Variants in TENT5D observed in about 807,000 individuals in gnomAD.
The protein encoded by TENT5D is terminal nucleotidyltransferase 5D.
For missense variants in TENT5D, 191 were observed against 287.0 expected (o/e 0.67, Z 2.42); for synonymous variants, 103 against 100.6 (o/e 1.02, Z -0.15).
At chrX:80,421,837 G>T (rs1931889319) in intron 1 of TENT5D, among the ~76,000 whole-genome samples, 1 of 111,019 alleles carries the variant, frequency 9.0e-6, no homozygotes, top group African/African-American at 3.3e-5. Context: ...AGAAAAAAAT[G>T]CCACGTCTTT....
At chrX:80,434,625 A>G (rs1932148978) in intron 1 of TENT5D, among the ~76,000 whole-genome samples, 2 of 111,217 alleles carry the variant, frequency 1.8e-5, no homozygotes, top group Non-Finnish European at 3.8e-5. Flanking sequence ...TATGAACCTT[A>G]TTGCAACTAA....
intron 3 of TENT5D, among the ~76,000 whole-genome samples, chrX:80,349,224 G>C (rs1483970976): frequency 1.8e-5 from 2 of 111,948 alleles, no homozygotes; most frequent in Non-Finnish European, 3.8e-5. Context: ...AATAGTTTCA[G>C]AAGGAATGGT....
chrX:80,386,350 G>A (rs1176950085), intron 3 of TENT5D, among the ~76,000 whole-genome samples: 7 of 110,383 alleles, frequency 6.3e-5, no homozygotes, highest in South Asian at 3.9e-4. Context: ...GGTGGGAATC[G>A]AACAATGAGA....
chrX:80,434,272 C>T (rs1163685189), intron 1 of TENT5D, among the ~76,000 whole-genome samples: 1 of 110,046 alleles, frequency 9.1e-6, no homozygotes, highest in Non-Finnish European at 1.9e-5. Context: ...TGCCTGCCTC[C>T]TTGTAGGTCT....
intron 3 of TENT5D, among the ~76,000 whole-genome samples, chrX:80,364,895 G>T (rs1352226911): frequency 2.6e-5 from 1 of 37,840 alleles, no homozygotes; most frequent in African/African-American, 9.5e-5. Flanking sequence ...CTCCAAGAGA[G>T]ATTTTTTTTC....
At chrX:80,354,155 A>G (rs745562682) in intron 3 of TENT5D, among the ~76,000 whole-genome samples, 36 of 111,168 alleles carry the variant, frequency 3.2e-4, no homozygotes, top group Middle Eastern at 4.6e-3. Context: ...TTTTGTATTG[A>G]CTTTGGAGAA....
At chrX:80,341,885 G>GT (rs1313010246) in intron 2 of TENT5D, among the ~76,000 whole-genome samples, 1 of 105,875 alleles carries the variant, frequency 9.4e-6, no homozygotes, top group Non-Finnish European at 1.9e-5. Flanking sequence ...CTAATTTTTT[G>GT]TATTTTTAGT....
intron 3 of TENT5D, among the ~76,000 whole-genome samples, chrX:80,394,330 T>C (rs1931194849): frequency 9.1e-6 from 1 of 109,840 alleles, no homozygotes; most frequent in African/African-American, 3.3e-5. Flanking sequence ...GTTTTTTTTT[T>C]TCATGTATTC....
intron 1 of TENT5D, among the ~76,000 whole-genome samples, chrX:80,427,278 G>C (rs1043380042): frequency 3.6e-5 from 1 of 27,798 alleles, no homozygotes; most frequent in Admixed American, 6.9e-4. Context: ...AGCATAATTA[G>C]AGGCATATGG....
chrX:80,431,854 G>C (rs1050715695), intron 1 of TENT5D, among the ~76,000 whole-genome samples: 2 of 111,579 alleles, frequency 1.8e-5, no homozygotes, highest in Admixed American at 1.9e-4. Flanking sequence ...GTTCTGCTGG[G>C]AAGTGCTGGC....
intron 2 of TENT5D, among the ~76,000 whole-genome samples, chrX:80,441,668 C>T (rs1359673522): frequency 9.0e-6 from 1 of 111,321 alleles, no homozygotes; most frequent in African/African-American, 3.2e-5. Context: ...TATCTACTTG[C>T]ATTTATAGTG....
rs773961604 is a variant in TENT5D at position 80,409,354 on chromosome X, T to C, written c.-141-29256T>C. Among the ~76,000 whole-genome samples the C allele has an allele frequency of 9.9e-5, 11 of 110,655 alleles. 1 individual carries two copies. In the South Asian group the frequency reaches 1.9e-3, roughly 20 times the overall value. On this transcript the variant is annotated intron_variant, in intron 3 of 4. Coordinates refer to the TENT5D transcript ENST00000538312. ...TGATTGTATATCTAGAAAACCCCAT[T>C]GTCTCAGCCCAAAATCTCCTTCAGC... is the stretch of plus-strand genomic sequence containing the variant.
chrX:80,374,304 A>G (rs1930686770), intron 3 of TENT5D, among the ~76,000 whole-genome samples: 1 of 111,433 alleles, frequency 9.0e-6, no homozygotes, highest in African/African-American at 3.3e-5. Context: ...GCTGCAATGA[A>G]CACACGTGCG....
intron 3 of TENT5D, among the ~76,000 whole-genome samples, chrX:80,397,150 G>A (rs1257494090): frequency 1.4e-4 from 14 of 102,691 alleles, no homozygotes; most frequent in East Asian, 3.3e-4. Context: ...GCTGCCGGGC[G>A]GAGGGGCTCC....
intron 2 of TENT5D, among the ~76,000 whole-genome samples, chrX:80,338,335 A>G (rs776896647): frequency 8.9e-6 from 1 of 111,945 alleles, no homozygotes; most frequent in Admixed American, 9.5e-5. Flanking sequence ...TCAGTCACAT[A>G]TTGATAAATC....
chrX:80,386,121 C>A (rs1930996676), intron 3 of TENT5D, among the ~76,000 whole-genome samples: 1 of 112,139 alleles, frequency 8.9e-6, no homozygotes, highest in Non-Finnish European at 1.9e-5. Context: ...GACACATGCA[C>A]ACATATATTT....
At chrX:80,362,414 C>T (rs748986931) in intron 3 of TENT5D, among the ~76,000 whole-genome samples, 10 of 111,930 alleles carry the variant, frequency 8.9e-5, no homozygotes, top group Non-Finnish European at 1.9e-4. Context: ...CTGCCTGCCT[C>T]GGCCTCCCAA....
chrX:80,356,213 A>G (rs1930280854), intron 3 of TENT5D, among the ~76,000 whole-genome samples: 1 of 112,438 alleles, frequency 8.9e-6, no homozygotes, highest in African/African-American at 3.2e-5. Flanking sequence ...TAGAAGGCTT[A>G]GAAGAGAAAC....
intron 3 of TENT5D, among the ~76,000 whole-genome samples, chrX:80,402,462 T>G (rs745308101): frequency 8.0e-5 from 9 of 112,200 alleles, no homozygotes; most frequent in African/African-American, 2.9e-4. Context: ...TGTTATTTTT[T>G]CTATTTCATT....
Sources: allele counts gnomAD v4.1 joint callset (sites outside exome capture counted in the v4.1 genomes callset), GRCh38; gene constraint gnomAD v4.1.1; transcripts MANE v1.5; gene names NCBI Gene and HGNC (gene_info 2026-07-23, HGNC 2026-07-21).